Variants in RORA observed in about 807,000 individuals in gnomAD.
RORA encodes RAR related orphan receptor A.
In RORA, 7 loss-of-function variants were observed where a neutral mutation model predicts 69.5. The observed-to-expected ratio is 0.10, with a 90% confidence interval of 0.06 to 0.19. The LOEUF (loss-of-function observed/expected upper bound fraction) is 0.19. Among genes scored for constraint, RORA ranks in the 10% least tolerant of loss-of-function variants. The pLI, the probability that RORA is intolerant of heterozygous loss-of-function variation, is 1.00. For synonymous variants in RORA, 261 were observed against 240.8 expected, an observed-to-expected ratio of 1.08 and a Z score of -0.78; for missense variants, 457 against 663.0, an observed-to-expected ratio of 0.69 and a Z score of 3.41.
intron 1 of RORA, among the ~76,000 whole-genome samples, chr15:60,988,620 TC>T (rs1216518008): frequency 2.0e-5 from 3 of 152,192 alleles, no homozygotes; most frequent in East Asian, 3.8e-4. Flanking sequence ...ACTCGCTGCT[TC>T]CTTGGCAAAT....
chr15:60,594,666 A>G (rs1438199406), intron 2 of RORA, among the ~76,000 whole-genome samples: 2 of 152,262 alleles, frequency 1.3e-5, no homozygotes, highest in South Asian at 2.1e-4. Context: ...TTCAAATGAA[A>G]TCAGTCATTG....
intron 1 of RORA, among the ~76,000 whole-genome samples, chr15:61,201,303 CGCA>C (rs1241281561): frequency 1.3e-5 from 2 of 152,180 alleles, no homozygotes; most frequent in East Asian, 3.9e-4. Flanking sequence ...AAGAATTACA[CGCA>C]GTTTCTTGTA....
intron 1 of RORA, among the ~76,000 whole-genome samples, chr15:61,023,187 C>CAA (rs35185635): frequency 0.12 from 9,154 of 74,412 alleles, 1,059 homozygotes; most frequent in East Asian, 0.15. Context: ...GACTCTGCCT[C>CAA]AAAAAAAAAA....
At chr15:60,773,502 C>T (rs1484901757) in intron 1 of RORA, among the ~76,000 whole-genome samples, 2 of 152,002 alleles carry the variant, frequency 1.3e-5, no homozygotes, top group Admixed American at 6.6e-5. Context: ...TACTTTTTAC[C>T]AATCCTGATT....
chr15:60,662,992 C>A (rs1170321431), intron 2 of RORA, among the ~76,000 whole-genome samples: 2 of 152,160 alleles, frequency 1.3e-5, no homozygotes, highest in Admixed American at 6.5e-5. Flanking sequence ...GCAGCTGGCA[C>A]CCAATGGCTG....
At chr15:61,120,448 C>G (rs547344615) in intron 1 of RORA, among the ~76,000 whole-genome samples, 16 of 152,096 alleles carry the variant, frequency 1.1e-4, no homozygotes, top group Non-Finnish European at 1.9e-4. Flanking sequence ...GCCTGTAATC[C>G]CAGCACTTTG....
At chr15:61,121,722 G>C (rs1441236663) in intron 1 of RORA, among the ~76,000 whole-genome samples, 1 of 151,770 alleles carries the variant, frequency 6.6e-6, no homozygotes, top group Non-Finnish European at 1.5e-5. Flanking sequence ...CATAGGAACA[G>C]GAGAAACTGC....
intron 1 of RORA, among the ~76,000 whole-genome samples, chr15:61,172,802 T>TAAGGGTC (rs1411864620): frequency 1.3e-5 from 2 of 152,088 alleles, no homozygotes; most frequent in Admixed American, 6.6e-5. Context: ...AGCTTAAGTC[T>TAAGGGTC]AAGGGTCCCC....
chr15:60,545,613 A>G (rs1295460133), intron 2 of RORA, among the ~76,000 whole-genome samples: 1 of 152,164 alleles, frequency 6.6e-6, no homozygotes. Context: ...TGAGAGAAAA[A>G]TCAAGCCTTT....
At position 60,994,899 on chromosome 15, in the gene RORA, T is replaced by C. The variant is rs77386110; in HGVS notation, c.166+234154A>G. ...GTTTTAACAAGTGTGGATATTCTAT[T>C]GGGGCATTGGGGTGTCAAGGGCCAG... On this transcript the variant is annotated intron_variant, in intron 1 of 10. Coordinates refer to ENST00000335670, the MANE Select transcript of RORA (RefSeq NM_134261.3). 2.4e-3 allele frequency among the ~76,000 whole-genome samples: 361 copies of C among 152,210 alleles called. 3 individuals are homozygous for C. The highest frequency in any genetic ancestry group is 8.3e-3 in the African/African-American group (344 of 41,524).
chr15:60,794,945 C>T (rs341430), intron 1 of RORA, among the ~76,000 whole-genome samples: 147 of 152,238 alleles, frequency 9.7e-4, no homozygotes, highest in African/African-American at 3.5e-3. Context: ...GAGATTCTGC[C>T]CTCAGAGGGG....
intron 2 of RORA, among the ~76,000 whole-genome samples, chr15:60,597,367 G>A (rs1315986405): frequency 2.7e-5 from 4 of 150,198 alleles, no homozygotes; most frequent in Non-Finnish European, 5.9e-5. Context: ...CACAGAATAG[G>A]TGGGTGGCAG....
At chr15:60,525,418 GT>G (rs1192815687) in intron 3 of RORA, among the ~76,000 whole-genome samples, 2 of 152,196 alleles carry the variant, frequency 1.3e-5, no homozygotes, top group East Asian at 3.9e-4. Context: ...CTGATCTGAT[GT>G]TTGGTCTTTT....
intron 1 of RORA, among the ~76,000 whole-genome samples, chr15:61,176,948 C>T (rs2079634410): frequency 6.6e-6 from 1 of 152,180 alleles, no homozygotes; most frequent in African/African-American, 2.4e-5. Context: ...ACATTCACTG[C>T]CCTACCTACA....
At chr15:60,987,065 C>T (rs1407200992) in intron 1 of RORA, among the ~76,000 whole-genome samples, 1 of 152,220 alleles carries the variant, frequency 6.6e-6, no homozygotes, top group Admixed American at 6.5e-5. Flanking sequence ...AAACTTGCCT[C>T]TCCATGGAAA....
At chr15:61,189,765 G>A (rs1353782175) in intron 1 of RORA, among the ~76,000 whole-genome samples, 2 of 138,106 alleles carry the variant, frequency 1.4e-5, no homozygotes, top group African/African-American at 5.3e-5. Context: ...GCTGAGGCAG[G>A]AGAATGGCAT....
intron 1 of RORA, among the ~76,000 whole-genome samples, chr15:61,168,215 T>C (rs967546340): frequency 2.8e-5 from 4 of 143,810 alleles, no homozygotes; most frequent in African/African-American, 1.1e-4. Flanking sequence ...CGTGCGTGCG[T>C]GCGTGTGTGT....
At chr15:60,649,767 T>C (rs895885089) in intron 2 of RORA, among the ~76,000 whole-genome samples, 1 of 152,148 alleles carries the variant, frequency 6.6e-6, no homozygotes, top group Non-Finnish European at 1.5e-5. Flanking sequence ...CCCATGAATA[T>C]TGCAATATTA....
At chr15:60,632,927 G>A (rs980382390) in intron 2 of RORA, among the ~76,000 whole-genome samples, 7 of 152,070 alleles carry the variant, frequency 4.6e-5, no homozygotes, top group Non-Finnish European at 8.8e-5. Flanking sequence ...ATATACTGTT[G>A]CCAAGTTTAA....
Sources: allele counts gnomAD v4.1 joint callset (sites outside exome capture counted in the v4.1 genomes callset), GRCh38; gene constraint gnomAD v4.1.1; transcripts MANE v1.5; gene names NCBI Gene and HGNC (gene_info 2026-07-23, HGNC 2026-07-21).